Variants in EIF4G3 observed in about 807,000 individuals in gnomAD.
EIF4G3 encodes eIF-4-gamma 3.
Under a neutral mutation model 186.4 loss-of-function variants are expected in EIF4G3, and 34 were observed. The ratio of observed to expected loss-of-function variants is 0.18; its 90% CI spans 0.14 to 0.24. EIF4G3 has a LOEUF of 0.24. Among genes scored for constraint, EIF4G3 ranks in the 10% least tolerant of loss-of-function variants. The pLI, the probability that EIF4G3 is intolerant of heterozygous loss-of-function variation, is 1.00. For missense variants in EIF4G3, 1,536 were observed against 1,948.5 expected, an observed-to-expected ratio of 0.79 and a Z score of 3.99; for synonymous variants, 673 against 679.5, an observed-to-expected ratio of 0.99 and a Z score of 0.15.
intron 2 of EIF4G3, among the ~76,000 whole-genome samples, chr1:21,092,335 C>T (rs1343273781): frequency 6.6e-6 from 1 of 152,094 alleles, no homozygotes; most frequent in African/African-American, 2.4e-5. Context: ...ATCCCAGTGA[C>T]GAAGCCCACT....
At chr1:21,070,258 TTCTC>T (rs1465571037) in intron 3 of EIF4G3, among the ~76,000 whole-genome samples, 1 of 152,156 alleles carries the variant, frequency 6.6e-6, no homozygotes, top group African/African-American at 2.4e-5. Context: ...GATGCTTACT[TTCTC>T]TAATTGCTAC....
At chr1:20,816,412 T>G (rs1185581743) in intron 34 of EIF4G3, among the ~76,000 whole-genome samples, 2 of 81,978 alleles carry the variant, frequency 2.4e-5, no homozygotes, top group African/African-American at 4.9e-5. Flanking sequence ...GTCCGGGAGG[T>G]GGGGGCGCCT....
rs750124027 is a variant in EIF4G3 at position 20,941,681 on chromosome 1, A to G, written c.1473T>C (p.Ala491=). The G allele has an allele frequency of 1.4e-5, 22 of 1,613,462 alleles. No individual in the cohort carries two copies. The South Asian group carries it at 2.0e-4, about 15-fold the overall frequency. ...PPHTPVIVPA[A]ATTVSSPSAA... is the part of the protein sequence containing the mutation. ...CACTCGGAGAACTAACAGTAGTGGC[A>G]GCAGCAGGAACAATGACTGGAGTGT... The change falls in exon 14 of 37, where the codon GCT becomes GCC. Residue 491 remains alanine (A), a synonymous_variant. Coordinates refer to ENST00000602326, the MANE Select transcript of EIF4G3 (RefSeq NM_001391906.1).
intron 2 of EIF4G3, among the ~76,000 whole-genome samples, chr1:21,124,511 T>C (rs2096990330): frequency 6.6e-6 from 1 of 152,160 alleles, no homozygotes; most frequent in African/African-American, 2.4e-5. Flanking sequence ...GATAACTCAC[T>C]GACACATAAA....
At chr1:21,153,030 C>T (rs561313286) in intron 2 of EIF4G3, among the ~76,000 whole-genome samples, 1 of 152,262 alleles carries the variant, frequency 6.6e-6, no homozygotes, top group South Asian at 2.1e-4. Flanking sequence ...CAAAATGATT[C>T]CTAAATGCTC....
chr1:20,810,959 T>G lies in EIF4G3; in HGVS notation c.4598-75A>C. 1 of 1,474,320 alleles carries G rather than the reference T, an allele frequency of 6.8e-7. No individual in the cohort carries two copies. 91.3% of individuals were successfully genotyped at this position (1,474,320 alleles called of 1,614,324 possible). On this transcript the variant is annotated intron_variant, in intron 35 of 36. Coordinates refer to ENST00000602326, the MANE Select transcript of EIF4G3 (RefSeq NM_001391906.1). The surrounding 1 kb of genome is among the most constrained non-coding windows in gnomAD (Gnocchi z 4.1). The stretch of plus-strand genomic sequence containing the variant: ...ATTATCTTTAATTTTCTTTCTTTTT[T>G]CTTTTTTTGAGACAGAGCCTCACTC...
At chr1:21,062,452 G>A (rs1030586169) in intron 3 of EIF4G3, among the ~76,000 whole-genome samples, 1 of 152,096 alleles carries the variant, frequency 6.6e-6, no homozygotes, top group African/African-American at 2.4e-5. Flanking sequence ...CAGAATCTCA[G>A]AATTTCAAAA....
chr1:20,955,575 G>C (rs1013585831), intron 12 of EIF4G3, among the ~76,000 whole-genome samples: 1 of 152,102 alleles, frequency 6.6e-6, no homozygotes, highest in African/African-American at 2.4e-5. Context: ...CATGGAGAAT[G>C]AACTAGAGCA....
At chr1:21,080,337 GAA>G (rs2095734072) in intron 3 of EIF4G3, among the ~76,000 whole-genome samples, 1 of 150,350 alleles carries the variant, frequency 6.7e-6, no homozygotes, top group Non-Finnish European at 1.5e-5. Context: ...AAGAGAGAGA[GAA>G]AGAAGAAAAT....
Position 20,982,918 on chromosome 1 carries a change from G to A in EIF4G3, c.178-510C>T, listed in dbSNP as rs565922135. 2.9e-4 allele frequency among the ~76,000 whole-genome samples: 44 copies of A among 152,294 alleles called. 2 individuals are homozygous for A. The South Asian group carries it at 8.5e-3, about 29-fold the overall frequency. ...TCTTTTTAACTAATCAGGTATATAA[G>A]AGGGCACTTATAGCTCTAAAATGGA... is the stretch of plus-strand genomic sequence containing the variant. On this transcript the variant is annotated intron_variant, in intron 7 of 36. Coordinates refer to ENST00000602326, the MANE Select transcript of EIF4G3 (RefSeq NM_001391906.1).
At chr1:20,820,684 A>G (rs1298299652) in intron 33 of EIF4G3, among the ~76,000 whole-genome samples, 1 of 152,114 alleles carries the variant, frequency 6.6e-6, no homozygotes, top group African/African-American at 2.4e-5. Flanking sequence ...TCTGAGGTAT[A>G]AAAGCCCTGG....
rs192043037 is a variant in EIF4G3 at position 20,982,346 on chromosome 1, A to G, written c.198+42T>C. On this transcript the variant is annotated intron_variant, in intron 8 of 36. Coordinates refer to ENST00000602326, the MANE Select transcript of EIF4G3 (RefSeq NM_001391906.1). ...TCAATCTCAATGTAATAATAAGCAG[A>G]CTGAGTTATAAAGAGGCCATGCAGA... 11 of 1,437,612 alleles carry G rather than the reference A, an allele frequency of 7.7e-6. No homozygotes were observed. In the East Asian group the frequency reaches 1.3e-4, roughly 17 times the overall value. The allele number at this position is 1,437,612 out of a possible 1,614,324, so 89.1% of individuals were successfully genotyped here. A position where few individuals can be genotyped will look rare whatever the true frequency, so the allele number is the denominator to read the frequency against.
intron 10 of EIF4G3, among the ~76,000 whole-genome samples, chr1:20,978,118 G>A (rs1168084470): frequency 6.6e-6 from 1 of 152,094 alleles, no homozygotes; most frequent in Non-Finnish European, 1.5e-5. Context: ...ATTCTAGATA[G>A]TAACAACCAT....
At chr1:21,024,450 G>T (rs1446514848) in intron 4 of EIF4G3, among the ~76,000 whole-genome samples, 2 of 149,510 alleles carry the variant, frequency 1.3e-5, no homozygotes, top group African/African-American at 2.4e-5. Flanking sequence ...GAATAGAAAG[G>T]GGGGAAAGGT....
At chr1:20,868,357 AG>A (rs528204854) in intron 20 of EIF4G3, among the ~76,000 whole-genome samples, 69 of 152,192 alleles carry the variant, frequency 4.5e-4, no homozygotes, top group Admixed American at 1.0e-3. Flanking sequence ...GTTCTTGGTG[AG>A]GACCCTCTTC....
At chr1:21,015,243 AAAG>A (rs950717994) in intron 4 of EIF4G3, among the ~76,000 whole-genome samples, 4 of 152,170 alleles carry the variant, frequency 2.6e-5, no homozygotes, top group African/African-American at 9.7e-5. Flanking sequence ...CAAAAATTAA[AAAG>A]AATAAAGAAA....
chr1:20,878,987 C>A (rs2081592381), intron 20 of EIF4G3, among the ~76,000 whole-genome samples: 1 of 152,124 alleles, frequency 6.6e-6, no homozygotes. Context: ...AATGTGAAAG[C>A]ACGCATTTGC....
intron 7 of EIF4G3, among the ~76,000 whole-genome samples, chr1:20,994,830 G>A (rs931824157): frequency 6.6e-6 from 1 of 151,770 alleles, no homozygotes; most frequent in Non-Finnish European, 1.5e-5. Context: ...GCAGAGATGA[G>A]GTTTCGCCAT....
intron 2 of EIF4G3, chr1:21,161,748 A>G (rs1053472190): frequency 3.9e-5 from 6 of 152,254 alleles, no homozygotes; most frequent in African/African-American, 1.4e-4. Context: ...CGGGTGGATC[A>G]CCTGAGGTCA....
Sources: allele counts gnomAD v4.1 joint callset (sites outside exome capture counted in the v4.1 genomes callset), GRCh38; gene constraint gnomAD v4.1.1; non-coding constraint Gnocchi (gnomAD v3.1); transcripts MANE v1.5; gene names NCBI Gene and HGNC (gene_info 2026-07-23, HGNC 2026-07-21).